SNAI3: variants seen among roughly 807,000 people sequenced by gnomAD.
SNAI3 encodes zinc finger protein SNAI3.
Under a neutral mutation model 16.4 loss-of-function variants are expected in SNAI3, and 21 were observed. The observed-to-expected ratio is 1.28, with a 90% confidence interval of 0.91 to 1.85. The LOEUF (loss-of-function observed/expected upper bound fraction) is 1.85. Ranked by LOEUF, SNAI3 falls within the 40% of genes most tolerant of loss-of-function variation. The pLI, the probability that SNAI3 is intolerant of heterozygous loss-of-function variation, is 0.00. For synonymous variants in SNAI3, 202 were observed against 166.6 expected (o/e 1.21, Z -1.64); for missense variants, 457 against 372.8 (o/e 1.23, Z -1.86).
intron 2 of SNAI3, among the ~76,000 whole-genome samples, chr16:88,680,535 T>A (rs912309446): frequency 2.0e-5 from 3 of 152,116 alleles, no homozygotes; most frequent in African/African-American, 7.2e-5. Context: ...TCCACCCACC[T>A]CTGCCTCCTA....
intron 1 of SNAI3, among the ~76,000 whole-genome samples, chr16:88,682,792 T>TTTTTTTTTTA (rs1555545991): frequency 3.3e-5 from 4 of 119,502 alleles, no homozygotes; most frequent in African/African-American, 6.7e-5. Context: ...TTTTTTTTTT[T>TTTTTTTTTTA]AGAGACGGAG....
Position 88,682,126 on chromosome 16 carries a change from G to T in SNAI3, c.77-412C>A, listed in dbSNP as rs76399080. Among the ~76,000 whole-genome samples, 950 of 152,288 alleles carry T rather than the reference G, an allele frequency of 6.2e-3. 9 individuals are homozygous for T. The highest frequency in any genetic ancestry group is 0.022 in the African/African-American group (896 of 41,552). On this transcript the variant is annotated intron_variant, in intron 1 of 2. Transcript: ENST00000332281. ...TCCCAGCCTGGGCCGGCATCCTCCA[G>T]GTGCCCATGCAGCAGCCATCAGTCA...
chr16:88,680,565 G>A (rs760503208), intron 2 of SNAI3, among the ~76,000 whole-genome samples: 3 of 151,952 alleles, frequency 2.0e-5, no homozygotes, highest in Non-Finnish European at 4.4e-5. Flanking sequence ...GATTATAGGC[G>A]TGAGCCTCCA....
chr16:88,678,228 C>T lies in SNAI3; in HGVS notation c.*220G>A, dbSNP rs1909037396. 3.8e-6 allele frequency: 2 copies of T among 526,644 alleles called. No homozygotes were observed. The highest frequency in any genetic ancestry group is 5.1e-5 in the South Asian group (2 of 39,356). The allele number at this position is 526,644 out of a possible 1,614,324, so 32.6% of individuals were successfully genotyped here. ...AAGCCTTCCCCGGGAGAGGAGTCTCCTCTGAGTGGGCTCCGCGCGGTGGGA... is the reference window on the plus strand; with the variant it reads ...AAGCCTTCCCCGGGAGAGGAGTCTCTTCTGAGTGGGCTCCGCGCGGTGGGA... On this transcript the variant is annotated 3_prime_UTR_variant, in exon 3 of 3. Coordinates refer to ENST00000332281, the MANE Select transcript of SNAI3 (RefSeq NM_178310.4).
rs1405528314 is a variant in SNAI3 at position 88,678,411 on chromosome 16, A to T, written c.*37T>A. The T allele has an allele frequency of 1.4e-6, 1 of 726,836 alleles. No individual in the cohort carries two copies. The highest frequency in any genetic ancestry group is 2.5e-6 in the Non-Finnish European group (1 of 396,114). 45.0% of individuals were successfully genotyped at this position (726,836 alleles called of 1,614,324 possible). The stretch of plus-strand genomic sequence containing the variant: ...AGGAGGGACGCCAGCTCTCCCGGTG[A>T]GGACCATCCCTCCTACCTGCGCCGA... On this transcript the variant is annotated 3_prime_UTR_variant, in exon 3 of 3. Coordinates refer to ENST00000332281, the MANE Select transcript of SNAI3 (RefSeq NM_178310.4).
chr16:88,681,780 A>G lies in SNAI3; in HGVS notation c.77-66T>C. The G allele has an allele frequency of 7.5e-7, 1 of 1,333,700 alleles. No individual in the cohort carries two copies. Among genetic ancestry groups the G allele is most frequent in the Non-Finnish European group, 9.6e-7 (1 of 1,039,650 alleles). The allele number at this position is 1,333,700 out of a possible 1,614,324, so 82.6% of individuals were successfully genotyped here. A position where few individuals can be genotyped will look rare whatever the true frequency, so the allele number is the denominator to read the frequency against. On this transcript the variant is annotated intron_variant, in intron 1 of 2. Transcript: ENST00000332281. The surrounding 1 kb of genome is among the most constrained non-coding windows in gnomAD (Gnocchi z 5.4). ...AATCCCCAGCACTTTGTGTTTTCCA[A>G]CTCTGATTCGTGGACCCAGTCACAG...
rs143163666 is a variant in SNAI3 at position 88,678,548 on chromosome 16, G to C, written c.779C>G (p.Ser260Ter). The C allele has an allele frequency of 1.2e-6, 1 of 812,266 alleles. No homozygotes were observed. The highest frequency in any genetic ancestry group is 2.2e-6 in the Non-Finnish European group (1 of 448,522). The allele number at this position is 812,266 out of a possible 1,614,324, so 50.3% of individuals were successfully genotyped here. The part of the protein sequence containing the change: ...SNLRAHLQTH[S>*]DAKKYRCRRC... ...CCGGCACCGGTACTTCTTGGCGTCTGAGTGCGTTTGCAGATGGGCCCGAAG... is the reference window on the plus strand; with the variant it reads ...CCGGCACCGGTACTTCTTGGCGTCTCAGTGCGTTTGCAGATGGGCCCGAAG... Residue 260 changes from serine to a stop codon, truncating the protein, a stop_gained, in exon 3 of 3, where the codon TCA becomes TGA. Transcript: ENST00000332281. LOFTEE classifies it low-confidence loss of function (END_TRUNC).
At position 88,681,118 on chromosome 16, in the gene SNAI3, G is replaced by T. The variant is rs965637406; in HGVS notation, c.673C>A (p.Gln225Lys). Residue 225 changes from glutamine (Q) to lysine (K), a missense_variant, in exon 2 of 3, where the codon CAG becomes AAG. Coordinates refer to ENST00000332281, the MANE Select transcript of SNAI3 (RefSeq NM_178310.4). This position sits in a 1 kb window ranked among gnomAD's most constrained non-coding sequence, Gnocchi z 5.4. ...CCTGTGTGGGTGCGGACATGGCCCT[G>T]CAGTAACCAGGGCCTGGAGAAGGCC... ...GKAFSRPWLLQGHVRTHTGEK... is the reference protein window; with the variant it reads ...GKAFSRPWLLKGHVRTHTGEK... 2.7e-5 allele frequency: 44 copies of T among 1,613,048 alleles called. No homozygotes were observed. The highest frequency in any genetic ancestry group is 3.6e-5 in the Non-Finnish European group (43 of 1,179,744).
At chr16:88,685,249 G>C (rs1469922717) in intron 1 of SNAI3, 1 of 152,248 alleles carries the variant, frequency 6.6e-6, no homozygotes, top group Admixed American at 6.5e-5. Flanking sequence ...CAAAATTGCT[G>C]GGGGTGACTG....
intron 2 of SNAI3, among the ~76,000 whole-genome samples, chr16:88,680,050 C>T (rs1047504069): frequency 1.1e-4 from 17 of 150,132 alleles, no homozygotes; most frequent in African/African-American, 3.4e-4. Context: ...CACTGCACTC[C>T]AGCCTGAGCA....
At position 88,681,403 on chromosome 16, in the gene SNAI3, G is replaced by C; in HGVS notation, c.388C>G (p.Pro130Ala). The change falls in exon 2 of 3, where the codon CCA becomes GCA. Residue 130 changes from proline (P) to alanine (A), a missense_variant. Coordinates refer to ENST00000332281, the MANE Select transcript of SNAI3 (RefSeq NM_178310.4). The surrounding 1 kb of genome is among the most constrained non-coding windows in gnomAD (Gnocchi z 5.4). ...TTTTCCGGAGCCCCGTGCCGGTCTG[G>C]GCCCAAGGTCGGGGACCACCGTGTG... is the stretch of plus-strand genomic sequence containing the variant. Reference protein sequence around the residue: ...LPTRWSPTLGPDRHGAPEKLL... With the variant: ...LPTRWSPTLGADRHGAPEKLL... 1 of 1,611,796 alleles carries C rather than the reference G, an allele frequency of 6.2e-7. No homozygotes were observed. Among genetic ancestry groups the C allele is most frequent in the Middle Eastern group, 1.7e-4 (1 of 6,056 alleles).
intron 2 of SNAI3, chr16:88,678,991 T>C (rs747315568): frequency 5.6e-5 from 55 of 985,312 alleles, no homozygotes; most frequent in Admixed American, 6.1e-5. Context: ...GGCAGAGCTG[T>C]GGACCTTGAG....
Position 88,686,502 on chromosome 16 carries a change from C to T in SNAI3, c.-96G>A. 6.6e-7 allele frequency: 1 copy of T among 1,518,016 alleles called. No individual in the cohort carries two copies. The highest frequency in any genetic ancestry group is 2.1e-5 in the Admixed American group (1 of 47,438). The allele number at this position is 1,518,016 out of a possible 1,614,324, so 94.0% of individuals were successfully genotyped here. ...TCCGCCGGCGCTTGAAGGGGTCAGGCTCATTAGCATAGCGCGCCGCCTCCG... is the reference window on the plus strand; with the variant it reads ...TCCGCCGGCGCTTGAAGGGGTCAGGTTCATTAGCATAGCGCGCCGCCTCCG... On this transcript the variant is annotated 5_prime_UTR_variant, in exon 1 of 3. Coordinates refer to ENST00000332281, the MANE Select transcript of SNAI3 (RefSeq NM_178310.4).
rs1306239703 is a variant in SNAI3 at position 88,681,195 on chromosome 16, T to C, written c.596A>G (p.Lys199Arg). 4 of 1,613,692 alleles carry C rather than the reference T, an allele frequency of 2.5e-6. No individual in the cohort carries two copies. Among genetic ancestry groups the C allele is most frequent in the Non-Finnish European group, 3.4e-6 (4 of 1,180,006 alleles). The part of the protein sequence containing the change: ...DKEYTSLGAL[K>R]MHIRTHTLPC... ...CAGCGTGTGAGTGCGGATGTGCATC[T>C]TGAGGGCACCCAGGCTGGTGTACTC... Residue 199 changes from lysine to arginine, a missense_variant, in exon 2 of 3, where the codon AAG (lysine) becomes AGG (arginine). Coordinates refer to ENST00000332281, the MANE Select transcript of SNAI3 (RefSeq NM_178310.4). The surrounding 1 kb of genome is among the most constrained non-coding windows in gnomAD (Gnocchi z 5.4).
At chr16:88,682,273 C>G (rs1211187765) in intron 1 of SNAI3, among the ~76,000 whole-genome samples, 1 of 152,256 alleles carries the variant, frequency 6.6e-6, no homozygotes, top group Non-Finnish European at 1.5e-5. Flanking sequence ...GCAGTGAGCT[C>G]AGAAGCCTCC....
chr16:88,680,563 G>C (rs1874647338), intron 2 of SNAI3, among the ~76,000 whole-genome samples: 1 of 152,014 alleles, frequency 6.6e-6, no homozygotes, highest in Admixed American at 6.5e-5. Flanking sequence ...GGGATTATAG[G>C]CGTGAGCCTC....
intron 2 of SNAI3, among the ~76,000 whole-genome samples, chr16:88,680,350 A>G (rs1421654374): frequency 7.6e-6 from 1 of 130,852 alleles, no homozygotes; most frequent in African/African-American, 3.0e-5. Context: ...CAGTGGCGCA[A>G]TCTTGGCTCA....
At position 88,680,832 on chromosome 16, in the gene SNAI3, G is replaced by A. The variant is rs1446846864; in HGVS notation, c.697+262C>T. The stretch of plus-strand genomic sequence containing the variant: ...GCTGGTCCTGAACCCCTGGCTTGAA[G>A]TGATCCTCCCACCTCAATCTCCCAA... On this transcript the variant is annotated intron_variant, in intron 2 of 2. Transcript: ENST00000332281. Among the ~76,000 whole-genome samples the A allele has an allele frequency of 2.0e-5, 3 of 152,138 alleles. No homozygotes were observed. The East Asian group carries it at 5.8e-4, about 29-fold the overall frequency.
rs1006173959 is a variant in SNAI3 at position 88,681,991 on chromosome 16, C to T, written c.77-277G>A. 3.3e-5 allele frequency among the ~76,000 whole-genome samples: 5 copies of T among 152,110 alleles called. No homozygotes were observed. The highest frequency in any genetic ancestry group is 7.2e-5 in the African/African-American group (3 of 41,398). On this transcript the variant is annotated intron_variant, in intron 1 of 2. Coordinates refer to ENST00000332281, the MANE Select transcript of SNAI3 (RefSeq NM_178310.4). This position sits in a 1 kb window ranked among gnomAD's most constrained non-coding sequence, Gnocchi z 5.4. Reference sequence around the variant, plus strand: ...TCTTTAAACACAAAGAAACATCTGACGGGACCCTTTGTGTTCAGGAACATG... The same window carrying T: ...TCTTTAAACACAAAGAAACATCTGATGGGACCCTTTGTGTTCAGGAACATG...
Sources: allele counts gnomAD v4.1 joint callset (sites outside exome capture counted in the v4.1 genomes callset), GRCh38; gene constraint gnomAD v4.1.1; non-coding constraint Gnocchi (gnomAD v3.1); transcripts MANE v1.5; gene names NCBI Gene and HGNC (gene_info 2026-07-23, HGNC 2026-07-21).